DDX47: variants seen among roughly 807,000 people sequenced by gnomAD.
DDX47 encodes the protein probable ATP-dependent RNA helicase DDX47.
In DDX47, 60 loss-of-function variants were observed where a neutral mutation model predicts 58.8. The observed-to-expected ratio is 1.02, with a 90% CI of 0.83 to 1.26. DDX47 has a LOEUF of 1.26. Among genes scored for constraint, DDX47 ranks in the 50% most tolerant of loss-of-function variants. The pLI, the probability that DDX47 is intolerant of heterozygous loss-of-function variation, is 0.00. For missense variants in DDX47, 530 were observed against 573.2 expected (o/e 0.92, Z 0.77); for synonymous variants, 197 against 204.6 (o/e 0.96, Z 0.32).
rs1432572565 is a variant in DDX47 at position 12,821,204 on chromosome 12, T to C, written c.182-4T>C. 1.9e-6 allele frequency: 3 copies of C among 1,613,838 alleles called. No individual in the cohort carries two copies. Among genetic ancestry groups the C allele is most frequent in the Non-Finnish European group, 1.7e-6 (2 of 1,179,976 alleles). On this transcript the variant is annotated splice_polypyrimidine_tract_variant and splice_region_variant and intron_variant, in intron 2 of 11. Coordinates refer to ENST00000358007, the MANE Select transcript of DDX47 (RefSeq NM_016355.4). The stretch of plus-strand genomic sequence containing the variant: ...CTTGGCTGTTGAATTTCTTTTTCTT[T>C]TAGGTCGTGATATCATTGGGCTTGC...
At chr12:12,826,944 A>G (rs1482549547) in intron 10 of DDX47, among the ~76,000 whole-genome samples, 3 of 151,626 alleles carry the variant, frequency 2.0e-5, no homozygotes, top group African/African-American at 4.8e-5. Flanking sequence ...TTTTATAGAG[A>G]TGGCATCTCA....
At chr12:12,819,428 G>A (rs1862938936) in intron 2 of DDX47, among the ~76,000 whole-genome samples, 1 of 151,514 alleles carries the variant, frequency 6.6e-6, no homozygotes, top group Non-Finnish European at 1.5e-5. Context: ...ATGGGACCGG[G>A]CATATATATA....
intron 9 of DDX47, 49 bp downstream of exon 9, chr12:12,824,726 A>C: frequency 3.2e-6 from 5 of 1,565,986 alleles, no homozygotes; most frequent in Non-Finnish European, 4.4e-6. Context: ...TGTATTTCTT[A>C]ATGGACTGTC....
chr12:12,818,381 C>T (rs559630112), intron 2 of DDX47, among the ~76,000 whole-genome samples: 60 of 152,128 alleles, frequency 3.9e-4, no homozygotes, highest in African/African-American at 1.4e-3. Flanking sequence ...ATTAGCAGGG[C>T]GTGGTGACGG....
chr12:12,821,213 G>C lies in DDX47; in HGVS notation c.187G>C (p.Asp63His). 6.2e-7 allele frequency: 1 copy of C among 1,614,174 alleles called. No homozygotes were observed. Among genetic ancestry groups the C allele is most frequent in the Non-Finnish European group, 8.5e-7 (1 of 1,180,028 alleles). The change falls in exon 3 of 12, where the codon GAT becomes CAT. Residue 63 changes from aspartate to histidine, a missense_variant. Coordinates refer to ENST00000358007, the MANE Select transcript of DDX47 (RefSeq NM_016355.4). ...EAIPLALQGRDIIGLAETGSG... is the reference protein window; with the variant it reads ...EAIPLALQGRHIIGLAETGSG... ...TGAATTTCTTTTTCTTTTAGGTCGT[G>C]ATATCATTGGGCTTGCAGAAACTGG...
At chr12:12,813,652 C>T (rs1014630127) in intron 1 of DDX47, 198 bp downstream of exon 1, 4 of 602,930 alleles carry the variant, frequency 6.6e-6, no homozygotes, top group African/African-American at 3.7e-5. Context: ...CCCTGAGACC[C>T]CCTATTTGCC....
Position 12,827,293 on chromosome 12 carries a change from A to G in DDX47, c.1154A>G (p.Lys385Arg). ...CGCATAGAACACTTAATTGGGAAGA[A>G]ACTACCAGGTTTTCCAACACAGGAT... ...FQRIEHLIGK[K>R]LPGFPTQDDE... The change falls in exon 11 of 12, where the codon AAA (lysine) becomes AGA (arginine). Residue 385 changes from lysine to arginine, a missense_variant. Coordinates refer to ENST00000358007, the MANE Select transcript of DDX47 (RefSeq NM_016355.4). The G allele has an allele frequency of 6.2e-7, 1 of 1,614,216 alleles. No homozygotes were observed. Among genetic ancestry groups the G allele is most frequent in the South Asian group, 1.1e-5 (1 of 91,074 alleles).
chr12:12,825,989 T>A lies in DDX47; in HGVS notation c.1036-11T>A. 2 of 1,603,270 alleles carry A rather than the reference T, an allele frequency of 1.2e-6. No homozygotes were observed. Among genetic ancestry groups the A allele is most frequent in the South Asian group, 1.1e-5 (1 of 88,890 alleles). On this transcript the variant is annotated splice_polypyrimidine_tract_variant and intron_variant, in intron 9 of 11. Coordinates refer to ENST00000358007, the MANE Select transcript of DDX47 (RefSeq NM_016355.4). Reference sequence around the variant, plus strand: ...CATATAACTTGAATTTATTTACCCTTTTTGTTTTAGGATTACATCCATCGA... The same window carrying A: ...CATATAACTTGAATTTATTTACCCTATTTGTTTTAGGATTACATCCATCGA...
In DDX47 at chr12:12,824,567, T is replaced by C; in HGVS notation, c.925T>C (p.Phe309Leu). 6.2e-7 allele frequency: 1 copy of C among 1,613,696 alleles called. No homozygotes were observed. Among genetic ancestry groups the C allele is most frequent in the Non-Finnish European group, 8.5e-7 (1 of 1,179,860 alleles). ...QSKRLGSLNK[F>L]KAKARSILLA... ...TAAGCGCCTAGGATCCCTTAATAAG[T>C]TTAAGGCCAAGGCCCGTTCCATTCT... Residue 309 changes from phenylalanine (F) to leucine (L), a missense_variant, in exon 9 of 12, where the codon TTT (phenylalanine) becomes CTT (leucine). By Grantham distance (22) the Phe-to-Leu change is conservative. Transcript: ENST00000358007.
Position 12,822,031 on chromosome 12 carries a change from A to G in DDX47, c.509A>G (p.Tyr170Cys). Residue 170 changes from tyrosine to cysteine, a missense_variant, in exon 5 of 12, where the codon TAC (tyrosine) becomes TGC (cysteine). Coordinates refer to ENST00000358007, the MANE Select transcript of DDX47 (RefSeq NM_016355.4). The stretch of plus-strand genomic sequence containing the variant: ...GGTTTCAACTTGAGAGCTCTCAAAT[A>G]CTTGGTCATGGATGAAGCCGACCGA... Reference protein sequence around the residue: ...TKGFNLRALKYLVMDEADRIL... With the variant: ...TKGFNLRALKCLVMDEADRIL... The G allele has an allele frequency of 6.2e-7, 1 of 1,614,060 alleles. No individual in the cohort carries two copies.
At chr12:12,826,710 A>G (rs1863057213) in intron 10 of DDX47, among the ~76,000 whole-genome samples, 2 of 152,130 alleles carry the variant, frequency 1.3e-5, no homozygotes, top group South Asian at 2.1e-4. Flanking sequence ...TTAGCCTCTC[A>G]TAGTGCTGGG....
At chr12:12,827,188 G>T in intron 10 of DDX47, 58 bp from the exon 11 acceptor site, 1 of 1,585,758 alleles carries the variant, frequency 6.3e-7, no homozygotes, top group South Asian at 1.2e-5. Flanking sequence ...AATAGTTTGG[G>T]AATGGACAGG....
At chr12:12,814,499 TA>T (rs1276484784) in intron 2 of DDX47, 1 of 364,530 alleles carries the variant, frequency 2.7e-6, no homozygotes, top group Non-Finnish European at 5.2e-6. Context: ...TGGTAGACTT[TA>T]TGCATCAGTG....
intron 11 of DDX47, among the ~76,000 whole-genome samples, chr12:12,828,868 T>G (rs903393346): frequency 6.6e-6 from 1 of 152,220 alleles, no homozygotes; most frequent in Non-Finnish European, 1.5e-5. Flanking sequence ...CAGATTCATG[T>G]GATCGTTTCT....
Position 12,814,126 on chromosome 12 carries a change from C to A in DDX47, c.88-5C>A, listed in dbSNP as rs368104319. 4 of 1,608,632 alleles carry A rather than the reference C, an allele frequency of 2.5e-6. No individual in the cohort carries two copies. In the South Asian group the frequency reaches 4.4e-5, roughly 18 times the overall value. On this transcript the variant is annotated splice_region_variant and splice_polypyrimidine_tract_variant and intron_variant, in intron 1 of 11. Transcript: ENST00000358007. ...TGGCTAAGGTATATTTTTCTGAATT[C>A]CAAGGGTGTGACAGATGTGTTGTGT... is the stretch of plus-strand genomic sequence containing the variant.
intron 10 of DDX47, among the ~76,000 whole-genome samples, chr12:12,826,446 C>T (rs1863052050): frequency 1.3e-5 from 2 of 150,258 alleles, no homozygotes; most frequent in Admixed American, 1.3e-4. Flanking sequence ...TCCCTCCCTC[C>T]TTTCCTTTTT....
chr12:12,820,118 TA>T (rs1437596165), intron 2 of DDX47, among the ~76,000 whole-genome samples: 6 of 152,218 alleles, frequency 3.9e-5, no homozygotes, highest in Non-Finnish European at 8.8e-5. Flanking sequence ...TGGTAGTGCA[TA>T]GCTACCTCAT....
At chr12:12,817,394 A>G (rs975008441) in intron 2 of DDX47, among the ~76,000 whole-genome samples, 1 of 152,212 alleles carries the variant, frequency 6.6e-6, no homozygotes, top group Non-Finnish European at 1.5e-5. Context: ...ATGGACCTGC[A>G]TCAAAGTTTG....
chr12:12,824,804 C>A (rs1391599488), intron 9 of DDX47, 127 bp downstream of exon 9: 3 of 1,013,542 alleles, frequency 3.0e-6, no homozygotes, highest in African/African-American at 1.6e-5. Context: ...AACAAGAAAG[C>A]CCTTGGTTAG....
Sources: gnomAD v4.1 joint callset for allele counts (sites outside exome capture counted in the v4.1 genomes callset) on GRCh38, gnomAD v4.1.1 for gene constraint, MANE v1.5 for transcripts, NCBI Gene and HGNC (gene_info 2026-07-23, HGNC 2026-07-21) for gene names.